TCL1B: variants seen among roughly 807,000 people sequenced by gnomAD.
TCL1B encodes the protein T-cell leukemia/lymphoma protein 1B.
Under a neutral mutation model 16.9 loss-of-function variants are expected in TCL1B, and 14 were observed. The observed-to-expected ratio is 0.83, with a 90% confidence interval of 0.55 to 1.30. The LOEUF is 1.30. Among genes scored for constraint, TCL1B ranks in the 50% most tolerant of loss-of-function variants. The probability of loss-of-function intolerance (pLI) is 0.00; values close to 1 mark genes in which losing one functional copy is unlikely to be tolerated. For missense variants in TCL1B, 166 were observed against 165.2 expected (o/e 1.00, Z -0.03); for synonymous variants, 79 against 66.6 (o/e 1.19, Z -0.91).
Position 95,686,636 on chromosome 14 carries a change from C to T in TCL1B, c.162+7C>T. On this transcript the variant is annotated splice_region_variant and intron_variant, in intron 1 of 3. Coordinates refer to ENST00000340722, the MANE Select transcript of TCL1B (RefSeq NM_004918.4). The stretch of plus-strand genomic sequence containing the variant: ...GGCCTCCCAGGGCAGCAGAGTGAGT[C>T]CTGGGCACGAGGGGAGGCTGTGGGG... 1 of 1,600,522 alleles carries T rather than the reference C, an allele frequency of 6.2e-7. No homozygotes were observed. Among genetic ancestry groups the T allele is most frequent in the Non-Finnish European group, 8.5e-7 (1 of 1,173,660 alleles).
rs1051562433 is a variant in TCL1B, at chr14:95,692,437, C to T, written c.*522C>T. 3 of 152,378 alleles carry T rather than the reference C, an allele frequency of 2.0e-5. No individual in the cohort carries two copies. The highest frequency in any genetic ancestry group is 4.4e-5 in the Non-Finnish European group (3 of 68,204). The allele number at this position is 152,378 out of a possible 1,614,324, so 9.4% of individuals were successfully genotyped here. A position where few individuals can be genotyped will look rare whatever the true frequency, so the allele number is the denominator to read the frequency against. On this transcript the variant is annotated 3_prime_UTR_variant, in exon 4 of 4. Transcript: ENST00000340722. ...GGTATCAGTTCTGCTGACACTTTGG[C>T]CCGAAATAGATCCAGTGCTGAGCAA...
chr14:95,686,488 G>A lies in TCL1B; in HGVS notation c.21G>A (p.Val7=). The change falls in exon 1 of 4, where the codon GTG becomes GTA. Residue 7 remains valine, a synonymous_variant. Transcript: ENST00000340722. The part of the protein sequence containing the change: MASEAS[V]RLGVPPGRLW... Reference sequence around the variant, plus strand: ...TTGCCATGGCCTCCGAAGCTTCTGTGCGTCTAGGGGTGCCCCCTGGCCGTC... The same window carrying A: ...TTGCCATGGCCTCCGAAGCTTCTGTACGTCTAGGGGTGCCCCCTGGCCGTC... 6.2e-7 allele frequency: 1 copy of A among 1,605,832 alleles called. No homozygotes were observed. Among genetic ancestry groups the A allele is most frequent in the Non-Finnish European group, 8.5e-7 (1 of 1,176,106 alleles).
At chr14:95,690,993 TG>T in intron 2 of TCL1B, 87 bp downstream of exon 2, 1 of 1,501,096 alleles carries the variant, frequency 6.7e-7, no homozygotes, top group Non-Finnish European at 9.1e-7. Context: ...CTGGCCCCCT[TG>T]GGGTTCTTGT....
In TCL1B at chr14:95,692,217, TCTGTGC is replaced by T; in HGVS notation, c.*304_*309del. 1 of 152,800 alleles carries T rather than the reference TCTGTGC, an allele frequency of 6.5e-6. No individual in the cohort carries two copies. Among genetic ancestry groups the T allele is most frequent in the African/African-American group, 2.4e-5 (1 of 41,548 alleles). The allele number at this position is 152,800 out of a possible 1,614,324, so 9.5% of individuals were successfully genotyped here. A position where few individuals can be genotyped will look rare whatever the true frequency, so the allele number is the denominator to read the frequency against. ...GCTGCAAGCTGTGGGTTCTTTCTCC[TCTGTGC>T]CCCTCATGCTGATCTTCTAGATGCC... On this transcript the variant is annotated 3_prime_UTR_variant, in exon 4 of 4. Transcript: ENST00000340722.
intron 1 of TCL1B, 122 bp downstream of exon 1, chr14:95,686,751 CA>C (rs1885770562): frequency 8.1e-7 from 1 of 1,242,036 alleles, no homozygotes; most frequent in African/African-American, 1.5e-5. Context: ...CACTTCTGTG[CA>C]GGTCTAGGAG....
At chr14:95,690,364 G>A (rs529181390) in intron 1 of TCL1B, among the ~76,000 whole-genome samples, 15 of 130,178 alleles carry the variant, frequency 1.2e-4, no homozygotes, top group South Asian at 8.4e-4. Flanking sequence ...ATATTTTGGC[G>A]GGAAAATCTA....
In TCL1B at chr14:95,687,233, T is replaced by C. The variant is rs542822971; in HGVS notation, c.162+604T>C. Among the ~76,000 whole-genome samples, 4 of 152,296 alleles carry C rather than the reference T, an allele frequency of 2.6e-5. No individual in the cohort carries two copies. The South Asian group carries it at 8.3e-4, about 32-fold the overall frequency. On this transcript the variant is annotated intron_variant, in intron 1 of 3. Coordinates refer to ENST00000340722, the MANE Select transcript of TCL1B (RefSeq NM_004918.4). ...TTGGGTGGAGTCCTAGATTCTTTAC[T>C]TTTCAAAAGCTCCCCAGGTGATAAT...
At position 95,687,824 on chromosome 14, in the gene TCL1B, C is replaced by T. The variant is rs10130657; in HGVS notation, c.162+1195C>T. Reference sequence around the variant, plus strand: ...AAAATTAGCCGGGCGTGGTGGTGGACGCCTGTAGTCCCAGCTACTCGGGAG... The same window carrying T: ...AAAATTAGCCGGGCGTGGTGGTGGATGCCTGTAGTCCCAGCTACTCGGGAG... On this transcript the variant is annotated intron_variant, in intron 1 of 3. Transcript: ENST00000340722. 4.0e-3 allele frequency among the ~76,000 whole-genome samples: 605 copies of T among 151,742 alleles called. 3 individuals are homozygous for T. Among genetic ancestry groups the T allele is most frequent in the African/African-American group, 0.014 (568 of 41,396 alleles).
intron 1 of TCL1B, 44 bp downstream of exon 1, chr14:95,686,673 C>T (rs754470951): frequency 6.5e-7 from 1 of 1,549,734 alleles, no homozygotes; most frequent in Admixed American, 2.0e-5. Flanking sequence ...GGGCTGCGCA[C>T]TGACCCCTGC....
Position 95,690,771 on chromosome 14 carries a change from G to A in TCL1B, c.198G>A (p.Met66Ile). ...EPSITVHLWQ[M>I]AVHTRELLSS... Reference sequence around the variant, plus strand: ...GCATCACAGTGCACTTGTGGCAGATGGCAGTGCATACCCGGGAGCTACTCT... The same window carrying A: ...GCATCACAGTGCACTTGTGGCAGATAGCAGTGCATACCCGGGAGCTACTCT... The change falls in exon 2 of 4, where the codon ATG becomes ATA. Residue 66 changes from methionine to isoleucine, a missense_variant. Met to Ile is a conservative substitution (Grantham distance 10). Transcript: ENST00000340722. 6.2e-7 allele frequency: 1 copy of A among 1,614,160 alleles called. No homozygotes were observed. The highest frequency in any genetic ancestry group is 1.1e-5 in the South Asian group (1 of 91,074).
intron 1 of TCL1B, among the ~76,000 whole-genome samples, 197 bp downstream of exon 1, chr14:95,686,826 A>C (rs998563357): frequency 2.0e-5 from 3 of 152,206 alleles, no homozygotes; most frequent in African/African-American, 7.2e-5. Flanking sequence ...CCACAGGCAC[A>C]AGCTTATCCA....
chr14:95,686,612 G>A lies in TCL1B; in HGVS notation c.145G>A (p.Ala49Thr). 6.2e-7 allele frequency: 1 copy of A among 1,609,702 alleles called. No homozygotes were observed. The highest frequency in any genetic ancestry group is 8.5e-7 in the Non-Finnish European group (1 of 1,177,698). ...FNPSRREWAR[A>T]SQGSRYEPSI... ...TCCCTCGCGTAGGGAATGGGCCAGG[G>A]CCTCCCAGGGCAGCAGAGTGAGTCC... is the stretch of plus-strand genomic sequence containing the variant. The change falls in exon 1 of 4, where the codon GCC (alanine) becomes ACC (threonine). Residue 49 changes from alanine to threonine, a missense_variant. Coordinates refer to ENST00000340722, the MANE Select transcript of TCL1B (RefSeq NM_004918.4).
At chr14:95,687,522 G>T (rs1446778390) in intron 1 of TCL1B, among the ~76,000 whole-genome samples, 1 of 152,124 alleles carries the variant, frequency 6.6e-6, no homozygotes, top group Admixed American at 6.5e-5. Flanking sequence ...TCTGCTTTTG[G>T]GAACTTTGTG....
chr14:95,691,987 A>T lies in TCL1B; in HGVS notation c.*72A>T, dbSNP rs1484312182. 2 of 152,400 alleles carry T rather than the reference A, an allele frequency of 1.3e-5. No homozygotes were observed. Among genetic ancestry groups the T allele is most frequent in the Non-Finnish European group, 2.9e-5 (2 of 68,300 alleles). The allele number at this position is 152,400 out of a possible 1,614,324, so 9.4% of individuals were successfully genotyped here. A position where few individuals can be genotyped will look rare whatever the true frequency, so the allele number is the denominator to read the frequency against. ...GTCTCCTCATGCCCCCTCAGTGAGGATCTTCATGTACCTGCTCTTCTGTTT... is the reference window on the plus strand; with the variant it reads ...GTCTCCTCATGCCCCCTCAGTGAGGTTCTTCATGTACCTGCTCTTCTGTTT... On this transcript the variant is annotated 3_prime_UTR_variant, in exon 4 of 4. Coordinates refer to ENST00000340722, the MANE Select transcript of TCL1B (RefSeq NM_004918.4).
chr14:95,688,272 C>T (rs7143780), intron 1 of TCL1B: 54,391 of 151,922 alleles, frequency 0.36, 10,142 homozygotes, highest in East Asian at 0.55. Flanking sequence ...GCTGGGATTA[C>T]AGGTGAGCCA....
At chr14:95,691,455 C>A in intron 3 of TCL1B, 119 bp downstream of exon 3, 1 of 884,192 alleles carries the variant, frequency 1.1e-6, no homozygotes, top group Non-Finnish European at 1.7e-6. Flanking sequence ...ATTTTTCTTA[C>A]ATAGCCACCT....
rs1485757013 is a variant in TCL1B, at chr14:95,691,332, G to A, written c.*11G>A. 5.6e-6 allele frequency: 9 copies of A among 1,613,232 alleles called. No individual in the cohort carries two copies. Among genetic ancestry groups the A allele is most frequent in the African/African-American group, 4.0e-5 (3 of 74,912 alleles). ...GAGAGGAAAGACTGACACTGGGAGT[G>A]GCTGGTATGTTGGGGCCCTGTGCGT... On this transcript the variant is annotated 3_prime_UTR_variant, in exon 3 of 4. Coordinates refer to ENST00000340722, the MANE Select transcript of TCL1B (RefSeq NM_004918.4).
At chr14:95,689,476 C>T (rs946711084) in intron 1 of TCL1B, 2 of 152,018 alleles carry the variant, frequency 1.3e-5, no homozygotes, top group African/African-American at 4.8e-5. Context: ...GCTTCCTGGG[C>T]GACACATCTA....
chr14:95,687,497 C>T (rs1885786832), intron 1 of TCL1B, among the ~76,000 whole-genome samples: 2 of 152,174 alleles, frequency 1.3e-5, no homozygotes, highest in African/African-American at 2.4e-5. Context: ...GCTACACCTA[C>T]ACATCACTTC....
Sources: allele counts gnomAD v4.1 joint callset (sites outside exome capture counted in the v4.1 genomes callset), GRCh38; gene constraint gnomAD v4.1.1; transcripts MANE v1.5; gene names NCBI Gene and HGNC (gene_info 2026-07-23, HGNC 2026-07-21).